Variants in NKAIN3 observed in about 807,000 individuals in gnomAD.
NKAIN3 encodes the protein sodium/potassium-transporting ATPase subunit beta-1-interacting protein 3.
NKAIN3 carries 25 observed loss-of-function variants against 30.2 expected under a neutral mutation model. The ratio of observed to expected loss-of-function variants is 0.83; its 90% confidence interval spans 0.60 to 1.16. The LOEUF (loss-of-function observed/expected upper bound fraction) is 1.16. NKAIN3 is among the 50% of genes most tolerant of loss of function. NKAIN3 has a pLI of 0.00. For synonymous variants in NKAIN3, 91 were observed against 89.6 expected (o/e 1.02, Z -0.09); for missense variants, 225 against 254.1 (o/e 0.89, Z 0.78).
At chr8:62,599,830 A>T (rs1452615728) in intron 3 of NKAIN3, among the ~76,000 whole-genome samples, 1 of 152,042 alleles carries the variant, frequency 6.6e-6, no homozygotes, top group African/African-American at 2.4e-5. Flanking sequence ...CCCTAGGAGT[A>T]CTTTAAGCAT....
chr8:62,381,977 T>C (rs1817294001), intron 1 of NKAIN3, among the ~76,000 whole-genome samples: 1 of 152,148 alleles, frequency 6.6e-6, no homozygotes, highest in South Asian at 2.1e-4. Context: ...ATGCCCTCTG[T>C]CTTTAGGGAC....
chr8:62,484,998 C>T (rs943198474), intron 1 of NKAIN3, among the ~76,000 whole-genome samples: 1 of 152,158 alleles, frequency 6.6e-6, no homozygotes, highest in Non-Finnish European at 1.5e-5. Flanking sequence ...TTGAATTTAC[C>T]ACATTATACA....
At chr8:62,712,564 A>G (rs1165082084) in intron 3 of NKAIN3, among the ~76,000 whole-genome samples, 1 of 152,146 alleles carries the variant, frequency 6.6e-6, no homozygotes, top group Non-Finnish European at 1.5e-5. Context: ...CACAAACCAA[A>G]GAGCTGGTCT....
chr8:62,465,933 G>T (rs1411562145), intron 1 of NKAIN3, among the ~76,000 whole-genome samples: 2 of 152,046 alleles, frequency 1.3e-5, no homozygotes, highest in African/African-American at 4.8e-5. Flanking sequence ...TAAGGCAGGA[G>T]AATCTCTTGA....
intron 1 of NKAIN3, among the ~76,000 whole-genome samples, chr8:62,506,201 A>G (rs1332527813): frequency 7.5e-6 from 1 of 133,472 alleles, no homozygotes; most frequent in African/African-American, 2.7e-5. Flanking sequence ...ATATATTTAC[A>G]GGTTTCAGGG....
chr8:62,861,722 T>C (rs1252815043), intron 4 of NKAIN3, among the ~76,000 whole-genome samples: 1 of 152,238 alleles, frequency 6.6e-6, no homozygotes, highest in Non-Finnish European at 1.5e-5. Flanking sequence ...CATGGAGAAT[T>C]TAATGAAAGA....
intron 1 of NKAIN3, chr8:62,474,378 A>G (rs1177445106): frequency 6.6e-6 from 1 of 152,198 alleles, no homozygotes; most frequent in African/African-American, 2.4e-5. Context: ...TGTGTCCAAA[A>G]GAAACCTGCA....
chr8:62,903,207 A>T (rs1821664524), intron 4 of NKAIN3, among the ~76,000 whole-genome samples: 1 of 152,168 alleles, frequency 6.6e-6, no homozygotes, highest in Admixed American at 6.5e-5. Flanking sequence ...TCATTGATTC[A>T]TTTGGAGTCC....
intron 1 of NKAIN3, among the ~76,000 whole-genome samples, chr8:62,353,077 A>G (rs1038539447): frequency 2.6e-5 from 4 of 152,198 alleles, no homozygotes; most frequent in African/African-American, 9.7e-5. Flanking sequence ...TTAAAAAACT[A>G]CAAAGCCTCA....
intron 1 of NKAIN3, among the ~76,000 whole-genome samples, chr8:62,507,864 G>C (rs1456066878): frequency 6.6e-6 from 1 of 152,224 alleles, no homozygotes; most frequent in Non-Finnish European, 1.5e-5. Context: ...CGGAAAAAGA[G>C]ATGCAGGCTG....
At chr8:62,830,693 A>T (rs1011584851) in intron 4 of NKAIN3, among the ~76,000 whole-genome samples, 8 of 151,954 alleles carry the variant, frequency 5.3e-5, no homozygotes, top group African/African-American at 9.7e-5. Flanking sequence ...GAGCTGCCCA[A>T]CCCTTCCTGT....
At chr8:62,333,160 T>G (rs1815412801) in intron 1 of NKAIN3, among the ~76,000 whole-genome samples, 1 of 152,154 alleles carries the variant, frequency 6.6e-6, no homozygotes, top group Non-Finnish European at 1.5e-5. Context: ...AGAAATTAAT[T>G]TTTTTCATTG....
At chr8:62,817,769 A>AT (rs1310378666) in intron 4 of NKAIN3, among the ~76,000 whole-genome samples, 1 of 152,054 alleles carries the variant, frequency 6.6e-6, no homozygotes, top group Non-Finnish European at 1.5e-5. Context: ...TGTCCTTAGT[A>AT]TTTTTTGTGA....
intron 1 of NKAIN3, among the ~76,000 whole-genome samples, chr8:62,492,318 G>T (rs775615545): frequency 8.5e-5 from 13 of 152,152 alleles, no homozygotes; most frequent in African/African-American, 3.1e-4. Flanking sequence ...ACTTGGTCTT[G>T]GTAGTACACC....
intron 3 of NKAIN3, among the ~76,000 whole-genome samples, chr8:62,596,699 A>T (rs895535149): frequency 2.6e-5 from 4 of 151,912 alleles, no homozygotes; most frequent in African/African-American, 9.7e-5. Flanking sequence ...ACCACTGCAT[A>T]CCCCACTTTT....
chr8:62,986,507 T>C (rs1195144872), downstream of NKAIN3, among the ~76,000 whole-genome samples: 1 of 152,178 alleles, frequency 6.6e-6, no homozygotes, highest in Non-Finnish European at 1.5e-5. Flanking sequence ...TCAAACATGG[T>C]GCCCTCCCTA....
chr8:62,257,885 G>C (rs188101537), intron 1 of NKAIN3, among the ~76,000 whole-genome samples: 3 of 151,798 alleles, frequency 2.0e-5, no homozygotes, highest in Admixed American at 2.0e-4. Flanking sequence ...TTTCATTCCG[G>C]TTACTTACAT....
intron 1 of NKAIN3, among the ~76,000 whole-genome samples, chr8:62,317,066 A>G (rs554695776): frequency 1.8e-3 from 278 of 152,210 alleles, no homozygotes; most frequent in African/African-American, 6.3e-3. Context: ...TGGCTGCATA[A>G]ATGTCTTCTT....
At chr8:62,906,115 G>T (rs999848423) in intron 4 of NKAIN3, among the ~76,000 whole-genome samples, 7 of 152,126 alleles carry the variant, frequency 4.6e-5, no homozygotes, top group Non-Finnish European at 8.8e-5. Context: ...CAAGGCCCAA[G>T]AGGCATGATA....
Sources: gnomAD v4.1 joint callset for allele counts (sites outside exome capture counted in the v4.1 genomes callset) on GRCh38, gnomAD v4.1.1 for gene constraint, MANE v1.5 for transcripts, NCBI Gene and HGNC (gene_info 2026-07-23, HGNC 2026-07-21) for gene names.